CSMD1: variants seen among roughly 807,000 people sequenced by gnomAD.
The protein encoded by CSMD1 is CUB and Sushi multiple domains 1, also known as CUB and sushi domain-containing protein 1.
In CSMD1, 213 loss-of-function variants were observed where a neutral mutation model predicts 417.5. That is an observed-to-expected ratio of 0.51 (90% CI 0.46 to 0.57). CSMD1 has a LOEUF of 0.57. Among genes scored for constraint, CSMD1 ranks in the 20% least tolerant of loss-of-function variants. CSMD1 has a pLI of 0.00. For synonymous variants in CSMD1, 2,862 were observed against 1,736.8 expected (o/e 1.65, Z -16.11); for missense variants, 6,923 against 4,529.7 (o/e 1.53, Z -15.17).
chr8:3,796,406 GATAT>G lies in CSMD1; in HGVS notation c.819-42368_819-42365del, dbSNP rs1372779466. 4.0e-3 allele frequency among the ~76,000 whole-genome samples: 284 copies of G among 71,294 alleles called. 21 individuals carry two copies. The highest frequency in any genetic ancestry group is 0.019 in the Middle Eastern group (1 of 52). 46.8% of individuals were successfully genotyped at this position (71,294 alleles called of 152,430 possible). On this transcript the variant is annotated intron_variant, in intron 5 of 69. Transcript: ENST00000635120. Reference sequence around the variant, plus strand: ...TATATATCTATCATGTATAGATATAGATATATATCTATCATGTATAGATATATAT... The same window carrying G: ...TATATATCTATCATGTATAGATATAGATATCTATCATGTATAGATATATAT...
intron 10 of CSMD1, among the ~76,000 whole-genome samples, chr8:3,541,659 T>G (rs191177105): frequency 6.7e-6 from 1 of 149,926 alleles, no homozygotes; most frequent in East Asian, 1.9e-4. Flanking sequence ...TTAATCAAAA[T>G]ATTTTATTTG....
At chr8:3,923,487 C>A (rs140154048) in intron 5 of CSMD1, among the ~76,000 whole-genome samples, 471 of 151,980 alleles carry the variant, frequency 3.1e-3, no homozygotes, top group African/African-American at 0.011. Context: ...ACATGTTTAC[C>A]CTTAAAGGTA....
intron 7 of CSMD1, among the ~76,000 whole-genome samples, chr8:3,619,813 C>T (rs1416048208): frequency 3.9e-5 from 6 of 152,174 alleles, no homozygotes; most frequent in Admixed American, 3.9e-4. Context: ...CGGTGGCTCA[C>T]ACAACGTAAT....
At chr8:4,234,549 G>C (rs1801932610) in intron 3 of CSMD1, among the ~76,000 whole-genome samples, 1 of 152,000 alleles carries the variant, frequency 6.6e-6, no homozygotes, top group Admixed American at 6.6e-5. Flanking sequence ...CCCATCTTTT[G>C]GCCGTTCCTT....
chr8:3,252,891 G>T (rs1386996816), intron 26 of CSMD1, among the ~76,000 whole-genome samples: 4 of 152,152 alleles, frequency 2.6e-5, no homozygotes. Flanking sequence ...TTGTATTTCT[G>T]TGGGATCGGT....
chr8:3,479,491 G>A (rs1817612294), intron 11 of CSMD1, among the ~76,000 whole-genome samples: 1 of 152,102 alleles, frequency 6.6e-6, no homozygotes, highest in Non-Finnish European at 1.5e-5. Flanking sequence ...TATTGGTCAT[G>A]CTAGTCTTGA....
At chr8:4,838,556 T>C (rs900301377) in intron 1 of CSMD1, among the ~76,000 whole-genome samples, 2 of 152,218 alleles carry the variant, frequency 1.3e-5, no homozygotes, top group African/African-American at 4.8e-5. Context: ...TGCTTACACC[T>C]GGGTGGGGGT....
At chr8:4,375,188 G>A (rs902635338) in intron 3 of CSMD1, among the ~76,000 whole-genome samples, 18 of 152,128 alleles carry the variant, frequency 1.2e-4, no homozygotes, top group Admixed American at 9.8e-4. Context: ...GAAATATGGA[G>A]TGTTTTCAAG....
intron 3 of CSMD1, among the ~76,000 whole-genome samples, chr8:4,219,371 G>C (rs1187666621): frequency 6.6e-6 from 1 of 152,154 alleles, no homozygotes; most frequent in Non-Finnish European, 1.5e-5. Context: ...CCCTGGCACA[G>C]AGTAAGTGCT....
intron 5 of CSMD1, among the ~76,000 whole-genome samples, chr8:3,760,166 T>C (rs747781842): frequency 3.9e-5 from 6 of 152,140 alleles, no homozygotes; most frequent in Non-Finnish European, 7.3e-5. Flanking sequence ...TGACATGCCC[T>C]ATTTCTGGAG....
chr8:4,759,752 T>A (rs984184764), intron 1 of CSMD1, among the ~76,000 whole-genome samples: 1 of 152,340 alleles, frequency 6.6e-6, no homozygotes, highest in Admixed American at 6.5e-5. Context: ...TCTCATTCAT[T>A]TTTATGGCTG....
chr8:4,791,341 T>C (rs1218205100), intron 1 of CSMD1, among the ~76,000 whole-genome samples: 3 of 152,226 alleles, frequency 2.0e-5, no homozygotes, highest in Non-Finnish European at 2.9e-5. Flanking sequence ...GACTTGTTTT[T>C]ACTCCTTTCT....
At chr8:4,317,616 AAAGAGAGAGAGAG>A (rs1799010912) in intron 3 of CSMD1, among the ~76,000 whole-genome samples, 1 of 316 alleles carries the variant, frequency 3.2e-3, no homozygotes, top group Non-Finnish European at 7.2e-3. Context: ...AGAGAGAGAG[AAAGAGAGAGAGAG>A]AGAGACAATT....
intron 5 of CSMD1, among the ~76,000 whole-genome samples, chr8:3,765,172 G>A (rs973173945): frequency 4.3e-4 from 66 of 152,016 alleles, no homozygotes; most frequent in Admixed American, 1.3e-3. Flanking sequence ...TTCTTATCAC[G>A]CCCTTTCGTG....
At chr8:3,309,396 G>A (rs1805151134) in intron 23 of CSMD1, among the ~76,000 whole-genome samples, 1 of 143,616 alleles carries the variant, frequency 7.0e-6, no homozygotes, top group African/African-American at 2.5e-5. Flanking sequence ...GGCTCTTGAG[G>A]AAATCCACAC....
intron 46 of CSMD1, among the ~76,000 whole-genome samples, chr8:3,100,640 C>T (rs564732011): frequency 6.6e-6 from 1 of 152,296 alleles, no homozygotes; most frequent in South Asian, 2.1e-4. Context: ...ACCTGCGCCT[C>T]GAGTTATGAT....
chr8:4,749,755 A>C (rs78848291), intron 1 of CSMD1, among the ~76,000 whole-genome samples: 15,351 of 152,194 alleles, frequency 0.1, 810 homozygotes, highest in East Asian at 0.23. Flanking sequence ...AATAATATAC[A>C]CCATCTAGAT....
chr8:3,090,406 T>A (rs1464135654), intron 48 of CSMD1, among the ~76,000 whole-genome samples: 2 of 151,558 alleles, frequency 1.3e-5, no homozygotes, highest in Non-Finnish European at 2.9e-5. Context: ...ATTGCATCGA[T>A]GTCTTTGCAG....
In CSMD1 at chr8:4,105,611, A is replaced by C. The variant is rs555762838; in HGVS notation, c.416-73512T>G. 3.3e-5 allele frequency among the ~76,000 whole-genome samples: 5 copies of C among 152,190 alleles called. No homozygotes were observed. The South Asian group carries it at 1.0e-3, about 31-fold the overall frequency. On this transcript the variant is annotated intron_variant, in intron 3 of 69. Coordinates refer to ENST00000635120, the MANE Select transcript of CSMD1 (RefSeq NM_033225.6). The stretch of plus-strand genomic sequence containing the variant: ...GTGATGAGGGCTACAGCAGAAGAGG[A>C]AACAGGGAAAGCAAAGGGGATTGGA...
Sources: gnomAD v4.1 joint callset for allele counts (sites outside exome capture counted in the v4.1 genomes callset) on GRCh38, gnomAD v4.1.1 for gene constraint, MANE v1.5 for transcripts, NCBI Gene and HGNC (gene_info 2026-07-23, HGNC 2026-07-21) for gene names.